Variants in RAB11FIP3 observed in about 807,000 individuals in gnomAD.
RAB11FIP3 encodes the protein RAB11 family interacting protein 3, also known as rab11 family-interacting protein 3.
RAB11FIP3 carries 17 observed loss-of-function variants against 77.8 expected under a neutral mutation model. The ratio of observed to expected loss-of-function variants is 0.22; its 90% CI spans 0.15 to 0.33. The LOEUF is 0.33. Ranked by LOEUF, RAB11FIP3 falls within the 10% of genes least tolerant of loss-of-function variation. The probability of loss-of-function intolerance (pLI) is 1.00; values close to 1 mark genes in which losing one functional copy is unlikely to be tolerated. For missense variants in RAB11FIP3, 1,005 were observed against 1,011.2 expected (o/e 0.99, Z 0.08); for synonymous variants, 437 against 448.2 (o/e 0.98, Z 0.31).
At position 505,795 on chromosome 16, in the gene RAB11FIP3, G is replaced by A. The variant is rs112656931; in HGVS notation, c.1499+168G>A. Among the ~76,000 whole-genome samples, 7,546 of 152,288 alleles carry A rather than the reference G, an allele frequency of 0.05. 261 individuals are homozygous for A. Among genetic ancestry groups the A allele is most frequent in the African/African-American group, 0.1 (4,277 of 41,536 alleles). On this transcript the variant is annotated intron_variant, in intron 8 of 13. Transcript: ENST00000262305. This position sits in a 1 kb window ranked among gnomAD's most constrained non-coding sequence, Gnocchi z 4.0. ...CCAGGTGGTCATCTGAGCCTACCCA[G>A]TGGGCTGCAGGCAGGCGACCCGAGG... is the stretch of plus-strand genomic sequence containing the variant.
At chr16:427,037 AC>A (rs1214041952) in intron 1 of RAB11FIP3, among the ~76,000 whole-genome samples, 2 of 149,842 alleles carry the variant, frequency 1.3e-5, no homozygotes, top group African/African-American at 2.5e-5. Flanking sequence ...CCTGATCGCC[AC>A]CCCCCCAGGG....
chr16:429,215 C>T (rs1024118392), intron 1 of RAB11FIP3, among the ~76,000 whole-genome samples: 3 of 152,148 alleles, frequency 2.0e-5, no homozygotes, highest in Non-Finnish European at 4.4e-5. Context: ...CATCTGTAAA[C>T]TCACCACTCA....
At chr16:439,136 C>G (rs1324927916) in intron 1 of RAB11FIP3, among the ~76,000 whole-genome samples, 1 of 152,178 alleles carries the variant, frequency 6.6e-6, no homozygotes, top group African/African-American at 2.4e-5. Context: ...CAGGTGTGCA[C>G]CACTGTACTT....
intron 5 of RAB11FIP3, 117 bp from the exon 6 acceptor site, chr16:496,707 C>A: frequency 1.0e-6 from 1 of 1,004,052 alleles, no homozygotes; most frequent in Non-Finnish European, 1.5e-6. Context: ...CCCTGCATGC[C>A]GGGAGCATTG....
intron 5 of RAB11FIP3, among the ~76,000 whole-genome samples, chr16:492,420 G>C (rs1419826411): frequency 1.6e-4 from 22 of 140,986 alleles, no homozygotes; most frequent in African/African-American, 5.8e-4. Flanking sequence ...GCCGCCCAGG[G>C]CCCTCCCCGG....
At chr16:451,298 C>CACCTCACCCCTGT (rs1306671093) in intron 1 of RAB11FIP3, 1 of 152,206 alleles carries the variant, frequency 6.6e-6, no homozygotes, top group African/African-American at 2.4e-5. Context: ...TCCTTCCCCA[C>CACCTCACCCCTGT]ACCTCACCCC....
At position 488,874 on chromosome 16, in the gene RAB11FIP3, T is replaced by G; in HGVS notation, c.1139T>G (p.Val380Gly). Reference protein sequence around the residue: ...PGRPHPHGQSVITVIGGEEHF... With the variant: ...PGRPHPHGQSGITVIGGEEHF... The stretch of plus-strand genomic sequence containing the variant: ...AGGCCTCACCCCCATGGCCAGTCTG[T>G]CATCACGGTGATCGGGGGCGAGGAG... The change falls in exon 5 of 14, where the codon GTC (valine) becomes GGC (glycine). Residue 380 changes from valine to glycine, a missense_variant. Around this residue, in one of 4 missense-constraint regions of RAB11FIP3, gnomAD observed 433 missense variants for 436.1 expected, o/e 0.99. Transcript: ENST00000262305. The G allele has an allele frequency of 6.2e-7, 1 of 1,614,062 alleles. No individual in the cohort carries two copies. Among genetic ancestry groups the G allele is most frequent in the Non-Finnish European group, 8.5e-7 (1 of 1,179,996 alleles).
chr16:470,773 T>C (rs756258852), intron 2 of RAB11FIP3, among the ~76,000 whole-genome samples: 8 of 152,170 alleles, frequency 5.3e-5, no homozygotes, highest in Non-Finnish European at 7.4e-5. Flanking sequence ...GTTTTTCTCA[T>C]AGAACATTGA....
intron 4 of RAB11FIP3, among the ~76,000 whole-genome samples, chr16:487,210 C>T (rs1596262101): frequency 1.3e-5 from 2 of 151,634 alleles, no homozygotes. Context: ...GGCTCACTGC[C>T]ATCTCCGCCT....
chr16:443,403 G>A (rs1596197904), intron 1 of RAB11FIP3, among the ~76,000 whole-genome samples: 3 of 152,264 alleles, frequency 2.0e-5, no homozygotes, highest in South Asian at 4.1e-4. Flanking sequence ...ACCCCATCCA[G>A]CACCGTGAAT....
chr16:474,776 AC>A, intron 3 of RAB11FIP3: 1 of 1,368,852 alleles, frequency 7.3e-7, no homozygotes, highest in Non-Finnish European at 9.4e-7. Flanking sequence ...TGACTGACTA[AC>A]CGTTTTTTAA....
chr16:512,223 C>G (rs941864940), intron 9 of RAB11FIP3, among the ~76,000 whole-genome samples: 2 of 150,450 alleles, frequency 1.3e-5, no homozygotes, highest in African/African-American at 4.9e-5. Context: ...TTTTAAAATA[C>G]CAATCTTTTT....
chr16:518,105 G>A (rs1337943301), intron 9 of RAB11FIP3, among the ~76,000 whole-genome samples: 1 of 152,180 alleles, frequency 6.6e-6, no homozygotes, highest in East Asian at 1.9e-4. Context: ...ATAGATACAG[G>A]ATCTTGCTTT....
chr16:425,917 G>A lies in RAB11FIP3; in HGVS notation c.-90G>A. 2.4e-6 allele frequency: 1 copy of A among 420,060 alleles called. No homozygotes were observed. The highest frequency in any genetic ancestry group is 3.2e-6 in the Non-Finnish European group (1 of 313,958). The allele number at this position is 420,060 out of a possible 1,614,324, so 26.0% of individuals were successfully genotyped here. ...GGGCGCCCCGCGCGCGCCCGCCCGC[G>A]CCGCCGAGGGGATGCCCGCGCCCGC... is the stretch of plus-strand genomic sequence containing the variant. On this transcript the variant is annotated 5_prime_UTR_variant, in exon 1 of 14. Transcript: ENST00000262305.
At position 425,995 on chromosome 16, in the gene RAB11FIP3, C is replaced by T; in HGVS notation, c.-12C>T. On this transcript the variant is annotated 5_prime_UTR_variant, in exon 1 of 14. Coordinates refer to ENST00000262305, the MANE Select transcript of RAB11FIP3 (RefSeq NM_014700.4). Reference sequence around the variant, plus strand: ...CGCCCGCGCCCTTCCGCACCACTAGCCTCTCGGGAGCATGGCGTCGGCCCC... The same window carrying T: ...CGCCCGCGCCCTTCCGCACCACTAGTCTCTCGGGAGCATGGCGTCGGCCCC... 1.0e-6 allele frequency: 1 copy of T among 975,396 alleles called. No homozygotes were observed. Among genetic ancestry groups the T allele is most frequent in the Non-Finnish European group, 1.2e-6 (1 of 820,840 alleles). The allele number at this position is 975,396 out of a possible 1,614,324, so 60.4% of individuals were successfully genotyped here.
Position 520,945 on chromosome 16 carries a change from C to T in RAB11FIP3, c.*106C>T. On this transcript the variant is annotated 3_prime_UTR_variant, in exon 14 of 14. Transcript: ENST00000262305. ...CAGCAGGTCCCACAGCCGACAGTGC[C>T]CAGAGCATGCAGGGAACCCTCGTGC... The T allele has an allele frequency of 1.1e-6, 1 of 931,348 alleles. No individual in the cohort carries two copies. Among genetic ancestry groups the T allele is most frequent in the Non-Finnish European group, 1.7e-6 (1 of 579,942 alleles). The allele number at this position is 931,348 out of a possible 1,614,324, so 57.7% of individuals were successfully genotyped here.
Position 519,016 on chromosome 16 carries a change from C to T in RAB11FIP3, c.1714C>T (p.Leu572=). 6.2e-7 allele frequency: 1 copy of T among 1,613,346 alleles called. No homozygotes were observed. Among genetic ancestry groups the T allele is most frequent in the East Asian group, 2.2e-5 (1 of 44,884 alleles). Residue 572 remains leucine (L), a synonymous_variant, in exon 10 of 14, where the codon CTG becomes TTG. Coordinates refer to ENST00000262305, the MANE Select transcript of RAB11FIP3 (RefSeq NM_014700.4). ...CTGTCTGAAGGCCAACATTGAGCGTCTGGAGGAGGTGAGCTGCCAACAGCC... is the reference window on the plus strand; with the variant it reads ...CTGTCTGAAGGCCAACATTGAGCGTTTGGAGGAGGTGAGCTGCCAACAGCC... ...TPCLKANIER[L]EEEKQKLLDE...
Position 514,833 on chromosome 16 carries a change from G to A in RAB11FIP3, c.1640+4033G>A, listed in dbSNP as rs1266636647. Among the ~76,000 whole-genome samples, 1 of 152,228 alleles carries A rather than the reference G, an allele frequency of 6.6e-6. No individual in the cohort carries two copies. Among genetic ancestry groups the A allele is most frequent in the Non-Finnish European group, 1.5e-5 (1 of 68,034 alleles). On this transcript the variant is annotated intron_variant, in intron 9 of 13. Coordinates refer to ENST00000262305, the MANE Select transcript of RAB11FIP3 (RefSeq NM_014700.4). The surrounding 1 kb of genome is among the most constrained non-coding windows in gnomAD (Gnocchi z 4.6). ...ACCGGGGCCTGATTTGCAGCTTGTG[G>A]CACCTGCCGAACCCCCGGCGTTGGG...
intron 5 of RAB11FIP3, among the ~76,000 whole-genome samples, chr16:493,942 C>G (rs369322231): frequency 2.2e-5 from 3 of 137,802 alleles, no homozygotes; most frequent in East Asian, 2.3e-4. Context: ...CTCGATCTGT[C>G]ACCCAGGCTG....
Sources: allele counts gnomAD v4.1 joint callset (sites outside exome capture counted in the v4.1 genomes callset), GRCh38; gene constraint gnomAD v4.1.1; regional missense constraint gnomAD v4.1.1; non-coding constraint Gnocchi (gnomAD v3.1); transcripts MANE v1.5; gene names NCBI Gene and HGNC (gene_info 2026-07-23, HGNC 2026-07-21).